Variants in PDZK1 observed in about 807,000 individuals in gnomAD.
The protein encoded by PDZK1 is Na(+)/H(+) exchange regulatory cofactor NHE-RF3.
Under a neutral mutation model 38.1 loss-of-function variants are expected in PDZK1, and 23 were observed. The observed-to-expected ratio is 0.60, with a 90% CI of 0.43 to 0.85. The LOEUF (loss-of-function observed/expected upper bound fraction) is 0.85, where lower values mean the gene tolerates loss of function less well. Among genes scored for constraint, PDZK1 ranks in the 40% least tolerant of loss-of-function variants. PDZK1 has a pLI of 0.00. For missense variants in PDZK1, 297 were observed against 504.3 expected (o/e 0.59, Z 3.94); for synonymous variants, 98 against 186.2 (o/e 0.53, Z 3.86).
At chr1:145,691,003 C>T (rs1275832453) in intron 1 of PDZK1, among the ~76,000 whole-genome samples, 3 of 152,172 alleles carry the variant, frequency 2.0e-5, no homozygotes, top group Non-Finnish European at 4.4e-5. Flanking sequence ...ATTAGAGCCA[C>T]TTTATACCAA....
chr1:145,686,955 C>G (rs1199303747), intron 2 of PDZK1, among the ~76,000 whole-genome samples: 3 of 152,060 alleles, frequency 2.0e-5, no homozygotes, highest in Non-Finnish European at 2.9e-5. Context: ...TGGTTCAACC[C>G]CAGCCCAGAG....
intron 6 of PDZK1, among the ~76,000 whole-genome samples, chr1:145,675,100 C>T (rs1653517241): frequency 6.6e-6 from 1 of 151,522 alleles, no homozygotes; most frequent in Admixed American, 6.6e-5. Flanking sequence ...ATGCCAAACT[C>T]TCCAACATCT....
chr1:145,691,389 G>A (rs587660664), intron 1 of PDZK1, among the ~76,000 whole-genome samples: 7 of 152,172 alleles, frequency 4.6e-5, no homozygotes, highest in Non-Finnish European at 8.8e-5. Flanking sequence ...TGTCTCTTTC[G>A]CAAGACTCTG....
chr1:145,673,131 T>C, intron 7 of PDZK1, 111 bp from the exon 8 acceptor site: 1 of 813,112 alleles, frequency 1.2e-6, no homozygotes, highest in Middle Eastern at 3.8e-4. Context: ...AATCATGTTA[T>C]TATTTCTCCT....
At chr1:145,679,207 C>T (rs1191840564) in intron 5 of PDZK1, among the ~76,000 whole-genome samples, 1 of 150,594 alleles carries the variant, frequency 6.6e-6, no homozygotes, top group Non-Finnish European at 1.5e-5. Flanking sequence ...TTCACTTTTC[C>T]AGCTAGCTGC....
chr1:145,686,599 C>T lies in PDZK1; in HGVS notation c.338G>A (p.Gly113Asp), dbSNP rs1553701801. 1 of 1,607,836 alleles carries T rather than the reference C, an allele frequency of 6.2e-7. No homozygotes were observed. The highest frequency in any genetic ancestry group is 2.2e-5 in the East Asian group (1 of 44,778). The change falls in exon 3 of 9, where the codon GGT becomes GAT. Residue 113 changes from glycine to aspartate, a missense_variant. Gly to Asp is a moderately conservative substitution (Grantham distance 94, BLOSUM62 -1). This residue lies in a region of PDZK1 where 159 missense variants were observed against 200.0 expected (regional missense o/e 0.79). Transcript: ENST00000417171. ...AGGGGAAAGTATATTATCACTCAAA[C>T]CTTGCTCCTTCTGACTTTGACCCAA... ...KELGQSQKEQGLSDNILSPVM... is the reference protein window; with the variant it reads ...KELGQSQKEQDLSDNILSPVM...
intron 5 of PDZK1, among the ~76,000 whole-genome samples, chr1:145,679,008 A>G (rs1163563950): frequency 6.6e-6 from 1 of 151,706 alleles, no homozygotes; most frequent in Non-Finnish European, 1.5e-5. Flanking sequence ...AAAAGCTGTC[A>G]TAAAAGATGG....
At chr1:145,677,897 CT>C (rs1449252584) in intron 6 of PDZK1, among the ~76,000 whole-genome samples, 2 of 86,116 alleles carry the variant, frequency 2.3e-5, no homozygotes, top group African/African-American at 1.0e-4. Flanking sequence ...AACCTCAGTT[CT>C]TGTGTTAAAA....
At chr1:145,702,293 T>G (rs1553705078) in intron 1 of PDZK1, among the ~76,000 whole-genome samples, 1 of 152,114 alleles carries the variant, frequency 6.6e-6, no homozygotes. Context: ...CTTTCACAGT[T>G]TGATTGCTTA....
At chr1:145,694,966 G>A (rs1279877502) in intron 1 of PDZK1, among the ~76,000 whole-genome samples, 2 of 150,704 alleles carry the variant, frequency 1.3e-5, no homozygotes, top group Admixed American at 6.6e-5. Context: ...GTATAAGTGA[G>A]GTAAGACCTA....
At chr1:145,694,895 C>CAAAAA (rs10657290) in intron 1 of PDZK1, among the ~76,000 whole-genome samples, 5 of 39,790 alleles carry the variant, frequency 1.3e-4, no homozygotes, top group Admixed American at 3.6e-4. Flanking sequence ...GACTCTGTCT[C>CAAAAA]AAAAAAAAAA....
intron 3 of PDZK1, 27 bp from the exon 4 acceptor site, chr1:145,682,663 T>C (rs1553700644): frequency 1.2e-6 from 2 of 1,610,446 alleles, no homozygotes; most frequent in Non-Finnish European, 8.5e-7. Context: ...GTAAACTCCA[T>C]GTGGAGACAC....
chr1:145,697,490 G>A (rs1655693666), intron 1 of PDZK1, among the ~76,000 whole-genome samples: 1 of 152,206 alleles, frequency 6.6e-6, no homozygotes, highest in East Asian at 1.9e-4. Context: ...ATAATGCTAA[G>A]AGGTAGAGAG....
chr1:145,698,986 C>T (rs1372604444), intron 1 of PDZK1, among the ~76,000 whole-genome samples: 2 of 151,676 alleles, frequency 1.3e-5, no homozygotes, highest in Admixed American at 6.6e-5. Flanking sequence ...GCCTGTAATC[C>T]CAGCACTTTT....
intron 1 of PDZK1, among the ~76,000 whole-genome samples, chr1:145,693,040 C>A (rs1231740568): frequency 6.6e-6 from 1 of 152,098 alleles, no homozygotes; most frequent in Non-Finnish European, 1.5e-5. Context: ...AATTCTGAAG[C>A]TGCTAGAGAC....
At chr1:145,697,860 C>T (rs957130214) in intron 1 of PDZK1, among the ~76,000 whole-genome samples, 5 of 147,710 alleles carry the variant, frequency 3.4e-5, no homozygotes, top group Non-Finnish European at 7.4e-5. Flanking sequence ...CCTTGTGGTC[C>T]GCCCGCCTCA....
chr1:145,692,788 A>G (rs1655329461), intron 1 of PDZK1, among the ~76,000 whole-genome samples: 1 of 151,904 alleles, frequency 6.6e-6, no homozygotes, highest in Admixed American at 6.6e-5. Context: ...TAATTCCAGC[A>G]CTTTGGGAGG....
intron 1 of PDZK1, among the ~76,000 whole-genome samples, chr1:145,699,187 G>A (rs782044617): frequency 6.0e-5 from 9 of 150,232 alleles, no homozygotes; most frequent in Non-Finnish European, 1.0e-4. Flanking sequence ...GCAGTGAGCT[G>A]AGATCACGCC....
intron 4 of PDZK1, among the ~76,000 whole-genome samples, chr1:145,681,987 T>C (rs1654303329): frequency 1.3e-5 from 1 of 79,704 alleles, no homozygotes; most frequent in Non-Finnish European, 2.4e-5. Context: ...CTGGCCAACA[T>C]AGTGAGACCC....
Sources: gnomAD v4.1 joint callset for allele counts (sites outside exome capture counted in the v4.1 genomes callset) on GRCh38, gnomAD v4.1.1 for gene constraint, gnomAD v4.1.1 regional missense constraint, MANE v1.5 for transcripts, NCBI Gene and HGNC (gene_info 2026-07-23, HGNC 2026-07-21) for gene names.